PEBP4: variants seen among roughly 807,000 people sequenced by gnomAD.
PEBP4 encodes the protein phosphatidylethanolamine binding protein 4, also known as phosphatidylethanolamine-binding protein 4.
PEBP4 carries 22 observed loss-of-function variants against 23.9 expected under a neutral mutation model. The observed-to-expected ratio is 0.92, with a 90% CI of 0.66 to 1.31. The LOEUF is 1.31. Ranked by LOEUF, PEBP4 falls within the 40% of genes most tolerant of loss-of-function variation. The probability of loss-of-function intolerance (pLI) is 0.00; values close to 1 mark genes in which losing one functional copy is unlikely to be tolerated. For synonymous variants in PEBP4, 112 were observed against 99.3 expected (o/e 1.13, Z -0.76); for missense variants, 324 against 281.7 (o/e 1.15, Z -1.07).
At chr8:22,746,149 AT>A (rs2128751107) in intron 4 of PEBP4, among the ~76,000 whole-genome samples, 1 of 151,662 alleles carries the variant, frequency 6.6e-6, no homozygotes, top group South Asian at 2.1e-4. Context: ...TGCAAGAGAC[AT>A]TTTTGCTGAA....
At chr8:22,934,627 A>G (rs1037267697) in intron 1 of PEBP4, among the ~76,000 whole-genome samples, 1 of 152,180 alleles carries the variant, frequency 6.6e-6, no homozygotes, top group Non-Finnish European at 1.5e-5. Flanking sequence ...ACTTGAGCCT[A>G]GGAGTTTGAG....
intron 3 of PEBP4, among the ~76,000 whole-genome samples, chr8:22,874,063 C>CTG (rs1563244949): frequency 1.3e-5 from 2 of 152,042 alleles, no homozygotes; most frequent in Admixed American, 6.6e-5. Context: ...TCCTAACTAG[C>CTG]TGTGTGTGTG....
intron 3 of PEBP4, among the ~76,000 whole-genome samples, chr8:22,915,367 T>G (rs1485032835): frequency 6.6e-6 from 1 of 152,024 alleles, no homozygotes; most frequent in Non-Finnish European, 1.5e-5. Context: ...TAACCATGGA[T>G]GTGCCCCTGC....
At chr8:22,933,588 TA>T (rs1415723411) in intron 1 of PEBP4, among the ~76,000 whole-genome samples, 1 of 152,134 alleles carries the variant, frequency 6.6e-6, no homozygotes, top group Non-Finnish European at 1.5e-5. Context: ...AAAATATTAG[TA>T]AGAGAGAAAT....
At chr8:22,891,669 T>C (rs1585328082) in intron 3 of PEBP4, among the ~76,000 whole-genome samples, 1 of 152,168 alleles carries the variant, frequency 6.6e-6, no homozygotes, top group Non-Finnish European at 1.5e-5. Context: ...CCCACTTAGG[T>C]GGGCCCGCCT....
In PEBP4 at chr8:22,857,333, C is replaced by A. The variant is rs533382256; in HGVS notation, c.259-39598G>T. Among the ~76,000 whole-genome samples, 4 of 152,074 alleles carry A rather than the reference C, an allele frequency of 2.6e-5. No homozygotes were observed. In the South Asian group the frequency reaches 8.3e-4, roughly 32 times the overall value. Reference sequence around the variant, plus strand: ...CAGTTTACAGAGAAAGCATCTATACCATACGGGGCTCCATCACCTACCAAT... The same window carrying A: ...CAGTTTACAGAGAAAGCATCTATACAATACGGGGCTCCATCACCTACCAAT... On this transcript the variant is annotated intron_variant, in intron 3 of 6. Transcript: ENST00000256404.
rs568111471 is a variant in PEBP4, at chr8:22,837,308, A to G, written c.259-19573T>C. Among the ~76,000 whole-genome samples the G allele has an allele frequency of 2.6e-5, 4 of 152,312 alleles. No homozygotes were observed. The South Asian group carries it at 8.3e-4, about 32-fold the overall frequency. On this transcript the variant is annotated intron_variant, in intron 3 of 6. Coordinates refer to ENST00000256404, the MANE Select transcript of PEBP4 (RefSeq NM_144962.3). ...AAAGCTAGTGGTGTTTTGGTAAACC[A>G]ACTCTCTCAGGAAAAAAAGAAAAAT... is the stretch of plus-strand genomic sequence containing the variant.
At chr8:22,916,726 C>T (rs1809084043) in intron 3 of PEBP4, among the ~76,000 whole-genome samples, 1 of 152,356 alleles carries the variant, frequency 6.6e-6, no homozygotes, top group African/African-American at 2.4e-5. Flanking sequence ...ACCCAGTCAG[C>T]CAGCATGGCA....
At chr8:22,927,116 C>T (rs1310837584) in intron 2 of PEBP4, among the ~76,000 whole-genome samples, 2 of 152,190 alleles carry the variant, frequency 1.3e-5, no homozygotes, top group East Asian at 3.8e-4. Context: ...CCTAAAGGGC[C>T]CTGCACAAAC....
intron 4 of PEBP4, among the ~76,000 whole-genome samples, chr8:22,795,163 ATTTTTTTTTTTTTTTTTTT>A (rs33911395): frequency 2.1e-5 from 1 of 47,346 alleles, no homozygotes; most frequent in African/African-American, 1.0e-4. Flanking sequence ...ATATATATAT[ATTTTTTTTTTTTTTTTTTT>A]TTTTTTTTTT....
At chr8:22,759,246 CGGAGGCCCAG>C (rs66825439) in intron 4 of PEBP4, among the ~76,000 whole-genome samples, 22,843 of 151,814 alleles carry the variant, frequency 0.15, 1,822 homozygotes, top group East Asian at 0.28. Context: ...CCCGCATAGA[CGGAGGCCCAG>C]GGAGGCCCAG....
chr8:22,884,494 G>A (rs1349902693), intron 3 of PEBP4: 2 of 152,222 alleles, frequency 1.3e-5, no homozygotes, highest in Non-Finnish European at 2.9e-5. Flanking sequence ...TTACAGAGAA[G>A]CAAGTGCAGA....
intron 3 of PEBP4, among the ~76,000 whole-genome samples, chr8:22,900,447 G>A (rs531673907): frequency 7.9e-5 from 12 of 152,172 alleles, no homozygotes; most frequent in East Asian, 1.9e-4. Context: ...CCAGGGGTTC[G>A]AGACCAGCCT....
At chr8:22,937,444 T>A (rs1425250580) in intron 1 of PEBP4, among the ~76,000 whole-genome samples, 1 of 152,128 alleles carries the variant, frequency 6.6e-6, no homozygotes, top group East Asian at 1.9e-4. Context: ...AAAGAAGAGA[T>A]AAATGTAAAG....
intron 3 of PEBP4, among the ~76,000 whole-genome samples, chr8:22,839,798 C>T (rs893928994): frequency 3.3e-5 from 5 of 152,242 alleles, no homozygotes; most frequent in East Asian, 1.9e-4. Flanking sequence ...AGCTCTTCCA[C>T]GTGAGGGGCC....
chr8:22,713,296 C>A lies in PEBP4; in HGVS notation c.*74G>T. Reference sequence around the variant, plus strand: ...ATTTGGAAAAGAAGGGGTTCTGTATCCAGAGGGGGTTCCATACCCACATCG... The same window carrying A: ...ATTTGGAAAAGAAGGGGTTCTGTATACAGAGGGGGTTCCATACCCACATCG... On this transcript the variant is annotated 3_prime_UTR_variant, in exon 7 of 7. Coordinates refer to ENST00000256404, the MANE Select transcript of PEBP4 (RefSeq NM_144962.3). 2 of 1,498,724 alleles carry A rather than the reference C, an allele frequency of 1.3e-6. No homozygotes were observed. Among genetic ancestry groups the A allele is most frequent in the Non-Finnish European group, 1.8e-6 (2 of 1,125,658 alleles). The allele number at this position is 1,498,724 out of a possible 1,614,324, so 92.8% of individuals were successfully genotyped here.
At chr8:22,876,654 G>A (rs2128771342) in intron 3 of PEBP4, among the ~76,000 whole-genome samples, 1 of 152,348 alleles carries the variant, frequency 6.6e-6, no homozygotes, top group East Asian at 1.9e-4. Context: ...GACAGTGTAT[G>A]TTTATAGCGC....
chr8:22,806,612 C>A (rs1213680414), intron 4 of PEBP4, among the ~76,000 whole-genome samples: 1 of 118,460 alleles, frequency 8.4e-6, no homozygotes, highest in Non-Finnish European at 1.7e-5. Flanking sequence ...AAGACTGTGT[C>A]TCAAAAAAAA....
intron 4 of PEBP4, among the ~76,000 whole-genome samples, chr8:22,783,784 C>T (rs1017907935): frequency 6.6e-6 from 1 of 152,220 alleles, no homozygotes; most frequent in African/African-American, 2.4e-5. Flanking sequence ...AGACATATGC[C>T]ACCATGCCCA....
Sources: allele counts gnomAD v4.1 joint callset (sites outside exome capture counted in the v4.1 genomes callset), GRCh38; gene constraint gnomAD v4.1.1; transcripts MANE v1.5; gene names NCBI Gene and HGNC (gene_info 2026-07-23, HGNC 2026-07-21).